Variants in SORCS1 observed in about 807,000 individuals in gnomAD.
SORCS1 encodes sortilin related VPS10 domain containing receptor 1, also known as VPS10 domain-containing receptor SorCS1.
SORCS1 carries 60 observed loss-of-function variants against 146.1 expected under a neutral mutation model. The observed-to-expected ratio is 0.41, with a 90% confidence interval of 0.33 to 0.51. SORCS1 has a LOEUF of 0.51. SORCS1 is among the 20% of genes least tolerant of loss of function. SORCS1 has a pLI of 0.21. For synonymous variants in SORCS1, 637 were observed against 584.0 expected (o/e 1.09, Z -1.31); for missense variants, 1,352 against 1,487.6 (o/e 0.91, Z 1.50).
chr10:106,812,121 C>A (rs1044211041), intron 3 of SORCS1, among the ~76,000 whole-genome samples: 1 of 152,126 alleles, frequency 6.6e-6, no homozygotes, highest in Non-Finnish European at 1.5e-5. Context: ...CTGCCTCAGC[C>A]TCCCGAGTAG....
intron 1 of SORCS1, among the ~76,000 whole-genome samples, chr10:107,158,738 G>C (rs1969488549): frequency 6.6e-6 from 1 of 152,148 alleles, no homozygotes; most frequent in Non-Finnish European, 1.5e-5. Context: ...ATAAATATTT[G>C]TTGAATTAAA....
chr10:106,687,206 G>T lies in SORCS1; in HGVS notation c.1560+986C>A, dbSNP rs149714405. 5.5e-3 allele frequency among the ~76,000 whole-genome samples: 834 copies of T among 152,276 alleles called. 11 individuals carry two copies. The highest frequency in any genetic ancestry group is 0.02 in the African/African-American group (815 of 41,566). ...AGAGCTACTAAGAGGAATAAGACGT[G>T]ACCCTGCAATCTTCCATTTATTAAT... On this transcript the variant is annotated intron_variant, in intron 10 of 25. Transcript: ENST00000263054.
intron 1 of SORCS1, among the ~76,000 whole-genome samples, chr10:107,136,423 C>A (rs2134676746): frequency 6.6e-6 from 1 of 152,230 alleles, no homozygotes; most frequent in South Asian, 2.1e-4. Flanking sequence ...CACAATGCAT[C>A]ATGTTCAGAT....
intron 1 of SORCS1, among the ~76,000 whole-genome samples, chr10:106,958,402 G>A (rs1002381841): frequency 1.3e-5 from 2 of 152,068 alleles, no homozygotes; most frequent in South Asian, 2.1e-4. Context: ...TTAAATTCCG[G>A]GGCTGTAAGC....
chr10:106,797,881 T>A lies in SORCS1; in HGVS notation c.727-21189A>T, dbSNP rs114694486. Reference sequence around the variant, plus strand: ...AATAACCACATAATCCTCTAAAATGTTTTTAAAACTAACCGTAGGCAGAGA... The same window carrying A: ...AATAACCACATAATCCTCTAAAATGATTTTAAAACTAACCGTAGGCAGAGA... On this transcript the variant is annotated intron_variant, in intron 3 of 25. Coordinates refer to ENST00000263054, the MANE Select transcript of SORCS1 (RefSeq NM_052918.5). 3.7e-3 allele frequency among the ~76,000 whole-genome samples: 562 copies of A among 152,212 alleles called. 8 individuals carry two copies. Among genetic ancestry groups the A allele is most frequent in the African/African-American group, 0.013 (540 of 41,526 alleles).
At chr10:106,899,168 C>A (rs1951601691) in intron 2 of SORCS1, among the ~76,000 whole-genome samples, 1 of 152,186 alleles carries the variant, frequency 6.6e-6, no homozygotes, top group Admixed American at 6.5e-5. Context: ...TATAAGCCAA[C>A]CCTATTCTAA....
intron 3 of SORCS1, among the ~76,000 whole-genome samples, chr10:106,807,618 G>C (rs1572456): frequency 0.32 from 49,340 of 152,110 alleles, 8,198 homozygotes; most frequent in African/African-American, 0.37. Flanking sequence ...TTCTGCAAAA[G>C]GTAGTAATAT....
intron 1 of SORCS1, among the ~76,000 whole-genome samples, chr10:106,961,585 G>C (rs967419972): frequency 1.1e-4 from 16 of 152,312 alleles, no homozygotes; most frequent in African/African-American, 3.8e-4. Context: ...AGTGAGGCAG[G>C]AGACTGGAGG....
intron 3 of SORCS1, among the ~76,000 whole-genome samples, chr10:106,796,848 G>A (rs1479663603): frequency 6.6e-6 from 1 of 152,222 alleles, no homozygotes; most frequent in Non-Finnish European, 1.5e-5. Flanking sequence ...AGTGGCTCTT[G>A]CCTGTAATCC....
At chr10:106,943,121 C>T (rs551405548) in intron 2 of SORCS1, among the ~76,000 whole-genome samples, 3 of 152,274 alleles carry the variant, frequency 2.0e-5, no homozygotes, top group East Asian at 1.9e-4. Context: ...ACCTTCCCTC[C>T]GGCACTTCAG....
the SORCS1 span, among the ~76,000 whole-genome samples, chr10:107,174,044 G>T: frequency 6.6e-6 from 1 of 152,058 alleles, no homozygotes; most frequent in East Asian, 1.9e-4. Flanking sequence ...TTTTTAATAG[G>T]ATTGCATTGT....
At chr10:106,915,530 G>T (rs1952378427) in intron 2 of SORCS1, among the ~76,000 whole-genome samples, 2 of 151,846 alleles carry the variant, frequency 1.3e-5, no homozygotes, top group Non-Finnish European at 2.9e-5. Flanking sequence ...TACCTGTGTG[G>T]TCTCATTTCA....
intron 24 of SORCS1, 145 bp downstream of exon 24, chr10:106,597,206 A>T (rs563676610): frequency 1.5e-6 from 1 of 657,766 alleles, no homozygotes; most frequent in East Asian, 2.9e-5. Flanking sequence ...CAGAAACACC[A>T]AGCAAGGGAA....
At chr10:106,758,337 T>C (rs2136228147) in intron 5 of SORCS1, among the ~76,000 whole-genome samples, 1 of 152,328 alleles carries the variant, frequency 6.6e-6, no homozygotes, top group Non-Finnish European at 1.5e-5. Context: ...TGTTCTCATC[T>C]CAGTTCCTTT....
chr10:106,902,223 C>T (rs1232667401), intron 2 of SORCS1, among the ~76,000 whole-genome samples: 1 of 152,056 alleles, frequency 6.6e-6, no homozygotes. Flanking sequence ...TTTCTTGATA[C>T]AGACCCTCAA....
intron 1 of SORCS1, among the ~76,000 whole-genome samples, chr10:107,117,801 T>C (rs1399837495): frequency 1.3e-5 from 2 of 152,196 alleles, no homozygotes; most frequent in East Asian, 3.8e-4. Context: ...ATAATATGTT[T>C]TGTTTCAAAG....
At chr10:106,963,670 T>TGG (rs141135268) in intron 1 of SORCS1, among the ~76,000 whole-genome samples, 4,047 of 150,208 alleles carry the variant, frequency 0.027, 126 homozygotes, top group African/African-American at 0.075. Context: ...TCTTGAATCC[T>TGG]GGGGGGGGGC....
intron 17 of SORCS1, 98 bp from the exon 18 acceptor site, chr10:106,652,651 C>G: frequency 7.6e-7 from 1 of 1,309,454 alleles, no homozygotes; most frequent in East Asian, 2.3e-5. Context: ...TGAGGACCAT[C>G]AGTAAGCACC....
intron 2 of SORCS1, among the ~76,000 whole-genome samples, chr10:106,864,016 C>T (rs901861291): frequency 1.3e-5 from 2 of 152,070 alleles, no homozygotes; most frequent in African/African-American, 4.8e-5. Context: ...AAATGTTCAC[C>T]CAAAGCCCAA....
Sources: allele counts gnomAD v4.1 joint callset (sites outside exome capture counted in the v4.1 genomes callset), GRCh38; gene constraint gnomAD v4.1.1; transcripts MANE v1.5; gene names NCBI Gene and HGNC (gene_info 2026-07-23, HGNC 2026-07-21).